RALYL: variants seen among roughly 807,000 people sequenced by gnomAD.
The protein encoded by RALYL is RALY RNA binding protein like.
RALYL carries 29 observed loss-of-function variants against 35.1 expected under a neutral mutation model. The observed-to-expected ratio is 0.83, with a 90% CI of 0.61 to 1.13. RALYL has a LOEUF of 1.13. RALYL is among the 50% of genes most tolerant of loss of function. The pLI, the probability that RALYL is intolerant of heterozygous loss-of-function variation, is 0.00. For synonymous variants in RALYL, 120 were observed against 127.6 expected (o/e 0.94, Z 0.40); for missense variants, 359 against 360.4 (o/e 1.00, Z 0.03).
At chr8:84,841,947 C>A (rs1219648952) in intron 4 of RALYL, among the ~76,000 whole-genome samples, 1 of 152,110 alleles carries the variant, frequency 6.6e-6, no homozygotes, top group African/African-American at 2.4e-5. Context: ...CATACCAGAC[C>A]TCTGGGACAC....
chr8:84,749,849 T>C (rs1358180700), intron 2 of RALYL, among the ~76,000 whole-genome samples: 9 of 151,914 alleles, frequency 5.9e-5, no homozygotes, highest in Admixed American at 5.9e-4. Flanking sequence ...ACATTCATTG[T>C]AAGTCAGAAA....
At chr8:84,653,806 G>A (rs1001218807) in intron 2 of RALYL, among the ~76,000 whole-genome samples, 1 of 151,130 alleles carries the variant, frequency 6.6e-6, no homozygotes, top group African/African-American at 2.4e-5. Context: ...GTGTTAGAAT[G>A]TGTAAGTTCT....
chr8:84,688,022 G>T (rs1837194526), intron 2 of RALYL, among the ~76,000 whole-genome samples: 1 of 151,700 alleles, frequency 6.6e-6, no homozygotes, highest in Admixed American at 6.6e-5. Flanking sequence ...AAAAGAAAAA[G>T]AATTTAAATG....
intron 2 of RALYL, among the ~76,000 whole-genome samples, chr8:84,738,394 G>A (rs113674322): frequency 6.6e-6 from 1 of 151,964 alleles, no homozygotes; most frequent in South Asian, 2.1e-4. Context: ...TATGATCAAA[G>A]ATTTAAAATG....
intron 2 of RALYL, among the ~76,000 whole-genome samples, chr8:84,566,109 G>C (rs1433027510): frequency 6.6e-6 from 1 of 151,448 alleles, no homozygotes; most frequent in Non-Finnish European, 1.5e-5. Flanking sequence ...GGGGCCATTA[G>C]ACTGTAGGTC....
intron 6 of RALYL, chr8:84,872,697 G>A (rs1331808820): frequency 6.6e-6 from 1 of 152,140 alleles, no homozygotes; most frequent in Admixed American, 6.6e-5. Flanking sequence ...CAAGCCCAGG[G>A]CTTAGAGGGA....
chr8:84,289,710 A>G (rs1838389987), intron 1 of RALYL, among the ~76,000 whole-genome samples: 3 of 152,138 alleles, frequency 2.0e-5, no homozygotes, highest in Admixed American at 6.5e-5. Context: ...TTAAACTTTA[A>G]AAGATATATT....
chr8:84,577,901 T>A (rs546890449), intron 2 of RALYL, among the ~76,000 whole-genome samples: 15 of 152,282 alleles, frequency 9.9e-5, no homozygotes, highest in Non-Finnish European at 8.8e-5. Context: ...ACCCTTAACT[T>A]AATAAAATAA....
intron 2 of RALYL, among the ~76,000 whole-genome samples, chr8:84,686,891 C>A (rs1836926174): frequency 2.0e-5 from 3 of 151,906 alleles, no homozygotes; most frequent in African/African-American, 7.3e-5. Context: ...TTTGTGTAAC[C>A]CACCTAATAA....
chr8:84,363,295 A>G (rs1229368096), intron 1 of RALYL, among the ~76,000 whole-genome samples: 1 of 152,204 alleles, frequency 6.6e-6, no homozygotes, highest in African/African-American at 2.4e-5. Flanking sequence ...TCTCTTCATC[A>G]GGGATCTGCA....
intron 1 of RALYL, among the ~76,000 whole-genome samples, chr8:84,201,383 G>C (rs1816803339): frequency 6.6e-6 from 1 of 152,082 alleles, no homozygotes; most frequent in Non-Finnish European, 1.5e-5. Flanking sequence ...CTAAGCATAT[G>C]TCAGTATTCC....
chr8:84,541,735 A>G (rs1318570622), intron 2 of RALYL, among the ~76,000 whole-genome samples: 1 of 152,090 alleles, frequency 6.6e-6, no homozygotes, highest in African/African-American at 2.4e-5. Context: ...TTGAAGCAAT[A>G]TTTAGTAAAT....
intron 4 of RALYL, among the ~76,000 whole-genome samples, chr8:84,838,124 C>A (rs890210691): frequency 6.6e-6 from 1 of 152,114 alleles, no homozygotes; most frequent in Non-Finnish European, 1.5e-5. Flanking sequence ...GGGTGTGGGG[C>A]AGGGATTTTT....
chr8:84,706,012 A>C (rs1564406543), intron 2 of RALYL: 1 of 1,535,088 alleles, frequency 6.5e-7, no homozygotes, highest in East Asian at 2.4e-5. Context: ...AGAAAGTCTA[A>C]TTTTTTTCAA....
intron 4 of RALYL, among the ~76,000 whole-genome samples, chr8:84,819,984 A>C (rs117700464): frequency 0.038 from 5,723 of 152,190 alleles, 595 homozygotes; most frequent in East Asian, 0.26. Context: ...ACCCTGCCCC[A>C]AAAAAATTTT....
At chr8:84,447,734 G>A (rs2049004356) in intron 1 of RALYL, among the ~76,000 whole-genome samples, 1 of 152,068 alleles carries the variant, frequency 6.6e-6, no homozygotes, top group African/African-American at 2.4e-5. Flanking sequence ...AACTGGTTCT[G>A]ATTGCTCAGG....
intron 1 of RALYL, among the ~76,000 whole-genome samples, chr8:84,328,932 G>A (rs1254218733): frequency 2.0e-5 from 3 of 152,082 alleles, no homozygotes; most frequent in Non-Finnish European, 4.4e-5. Context: ...TGCAAAGGAC[G>A]TGATTTCATT....
At chr8:84,898,902 T>G (rs1845199460) in intron 8 of RALYL, among the ~76,000 whole-genome samples, 1 of 152,210 alleles carries the variant, frequency 6.6e-6, no homozygotes, top group Non-Finnish European at 1.5e-5. Flanking sequence ...CTTCCTTCAG[T>G]GCTGCTACCA....
chr8:84,265,985 A>T (rs537440309), intron 1 of RALYL, among the ~76,000 whole-genome samples: 4 of 152,244 alleles, frequency 2.6e-5, no homozygotes, highest in African/African-American at 7.2e-5. Flanking sequence ...TTTTAAATAA[A>T]TTTTTTAAAA....
Sources: allele counts gnomAD v4.1 joint callset (sites outside exome capture counted in the v4.1 genomes callset), GRCh38; gene constraint gnomAD v4.1.1; transcripts MANE v1.5; gene names NCBI Gene and HGNC (gene_info 2026-07-23, HGNC 2026-07-21).